Variants in MAGI1 observed in about 807,000 individuals in gnomAD.
MAGI1 encodes the protein membrane associated guanylate kinase, WW and PDZ domain containing 1.
Under a neutral mutation model 139.9 loss-of-function variants are expected in MAGI1, and 58 were observed. The observed-to-expected ratio is 0.41, with a 90% CI of 0.34 to 0.52. MAGI1 has a LOEUF of 0.52. MAGI1 is among the 20% of genes least tolerant of loss of function. The probability of loss-of-function intolerance (pLI) is 0.12; values close to 1 mark genes in which losing one functional copy is unlikely to be tolerated. For synonymous variants in MAGI1, 812 were observed against 737.9 expected (o/e 1.10, Z -1.63); for missense variants, 1,874 against 1,901.6 (o/e 0.99, Z 0.27).
intron 1 of MAGI1, among the ~76,000 whole-genome samples, chr3:65,917,108 G>T (rs1287130280): frequency 1.3e-5 from 2 of 152,178 alleles, no homozygotes; most frequent in Non-Finnish European, 2.9e-5. Context: ...CATAAAGAGA[G>T]AAACATCTAG....
intron 1 of MAGI1, among the ~76,000 whole-genome samples, chr3:65,717,142 T>G (rs1459139095): frequency 6.6e-6 from 1 of 152,156 alleles, no homozygotes; most frequent in Non-Finnish European, 1.5e-5. Flanking sequence ...CAGAGAAATA[T>G]ATATGATAAC....
At chr3:65,989,490 G>T (rs2066051225) in intron 1 of MAGI1, among the ~76,000 whole-genome samples, 1 of 152,172 alleles carries the variant, frequency 6.6e-6, no homozygotes, top group African/African-American at 2.4e-5. Flanking sequence ...ACATGAGCCA[G>T]GAGTGGTACG....
At chr3:65,911,663 C>T (rs1373382270) in intron 1 of MAGI1, among the ~76,000 whole-genome samples, 53 of 152,186 alleles carry the variant, frequency 3.5e-4, no homozygotes, top group Admixed American at 3.5e-3. Context: ...ACCCCAACAG[C>T]ATAACCGCTC....
chr3:65,981,797 A>G (rs1484083247), intron 1 of MAGI1, among the ~76,000 whole-genome samples: 1 of 152,092 alleles, frequency 6.6e-6, no homozygotes, highest in Non-Finnish European at 1.5e-5. Flanking sequence ...CATGTAAGAC[A>G]TGTCTTTTAC....
chr3:65,921,141 T>C (rs1034737406), intron 1 of MAGI1, among the ~76,000 whole-genome samples: 16 of 152,118 alleles, frequency 1.1e-4, no homozygotes, highest in African/African-American at 3.9e-4. Context: ...AAACATATAA[T>C]CTTGACTTTT....
At chr3:65,366,230 C>A (rs1941403879) in intron 18 of MAGI1, among the ~76,000 whole-genome samples, 1 of 152,178 alleles carries the variant, frequency 6.6e-6, no homozygotes, top group Non-Finnish European at 1.5e-5. Flanking sequence ...ACAGCTACTA[C>A]TTTTTATTAC....
chr3:65,460,069 C>T (rs540169870), intron 5 of MAGI1, among the ~76,000 whole-genome samples: 12 of 152,332 alleles, frequency 7.9e-5, no homozygotes, highest in Admixed American at 2.6e-4. Flanking sequence ...TTTAACAAGT[C>T]AAAGAAATTT....
At chr3:65,775,675 C>A (rs1406979441) in intron 1 of MAGI1, among the ~76,000 whole-genome samples, 1 of 151,670 alleles carries the variant, frequency 6.6e-6, no homozygotes, top group Non-Finnish European at 1.5e-5. Context: ...ACACAGTAGC[C>A]CACACCTGTA....
chr3:65,434,768 T>C (rs1388445197), intron 10 of MAGI1, among the ~76,000 whole-genome samples: 2 of 152,202 alleles, frequency 1.3e-5, no homozygotes, highest in African/African-American at 2.4e-5. Flanking sequence ...GTATCAGTTA[T>C]ATTCCAAAGA....
At chr3:65,400,108 T>C (rs1054978350) in intron 13 of MAGI1, among the ~76,000 whole-genome samples, 8 of 152,176 alleles carry the variant, frequency 5.3e-5, no homozygotes, top group Non-Finnish European at 1.0e-4. Flanking sequence ...TTACTGGCTA[T>C]GACCAAGGGA....
chr3:65,393,574 C>T (rs972540907), intron 13 of MAGI1, among the ~76,000 whole-genome samples: 2 of 152,084 alleles, frequency 1.3e-5, no homozygotes, highest in Non-Finnish European at 2.9e-5. Flanking sequence ...CTTTTGTTCA[C>T]CTCTGAAGGG....
chr3:65,589,257 A>G (rs1287939767), intron 2 of MAGI1, among the ~76,000 whole-genome samples: 1 of 152,328 alleles, frequency 6.6e-6, no homozygotes, highest in South Asian at 2.1e-4. Flanking sequence ...ACAAGATACT[A>G]TGAAAACAGA....
chr3:66,003,605 ACAC>A (rs139457987), intron 1 of MAGI1, among the ~76,000 whole-genome samples: 30,718 of 151,948 alleles, frequency 0.2, 3,422 homozygotes, highest in Non-Finnish European at 0.25. Flanking sequence ...TTACAGACAC[ACAC>A]CACAACACCC....
intron 1 of MAGI1, among the ~76,000 whole-genome samples, chr3:65,948,684 T>C (rs2063656466): frequency 6.6e-6 from 1 of 152,206 alleles, no homozygotes; most frequent in African/African-American, 2.4e-5. Flanking sequence ...TTATTCAACA[T>C]ACTTATAAAA....
intron 1 of MAGI1, among the ~76,000 whole-genome samples, chr3:65,838,184 C>T (rs182554600): frequency 2.0e-5 from 3 of 152,086 alleles, no homozygotes; most frequent in South Asian, 2.1e-4. Context: ...TGGTGGCGCA[C>T]GCCTGCCATC....
intron 1 of MAGI1, among the ~76,000 whole-genome samples, chr3:65,639,155 T>G (rs1448209434): frequency 6.6e-6 from 1 of 152,166 alleles, no homozygotes; most frequent in Non-Finnish European, 1.5e-5. Context: ...TGTTCATCAG[T>G]GTATATTGGT....
Position 65,429,674 on chromosome 3 carries a change from A to C in MAGI1, c.2013T>G (p.Ile671Met), listed in dbSNP as rs1947330868. 6.2e-7 allele frequency: 1 copy of C among 1,613,918 alleles called. No individual in the cohort carries two copies. Among genetic ancestry groups the C allele is most frequent in the Non-Finnish European group, 8.5e-7 (1 of 1,179,956 alleles). Residue 671 changes from isoleucine to methionine, a missense_variant, in exon 12 of 23, where the codon ATT becomes ATG. This residue lies in a region of MAGI1 where 482 missense variants were observed against 509.6 expected (regional missense o/e 0.95). Transcript: ENST00000402939. ...GGCCTCGGCACCTTGGGCTGTCAAC[A>C]ATCTGTTTCACTCTTTGGCCACCCC... ...PGGGGQRVKQ[I>M]VDSPRCRGLK...
At chr3:65,719,195 GT>G (rs2032678629) in intron 1 of MAGI1, among the ~76,000 whole-genome samples, 1 of 151,794 alleles carries the variant, frequency 6.6e-6, no homozygotes, top group Non-Finnish European at 1.5e-5. Context: ...CTACATAAAT[GT>G]AACCAAGACA....
At chr3:65,636,288 G>C (rs1377020785) in intron 1 of MAGI1, among the ~76,000 whole-genome samples, 2 of 152,148 alleles carry the variant, frequency 1.3e-5, no homozygotes, top group Non-Finnish European at 1.5e-5. Context: ...TTTCAAGAAT[G>C]TGGTACATAG....
Sources: gnomAD v4.1 joint callset for allele counts (sites outside exome capture counted in the v4.1 genomes callset) on GRCh38, gnomAD v4.1.1 for gene constraint, gnomAD v4.1.1 regional missense constraint, MANE v1.5 for transcripts, NCBI Gene and HGNC (gene_info 2026-07-23, HGNC 2026-07-21) for gene names.